Variants in ANKRD30A observed in about 807,000 individuals in gnomAD.
ANKRD30A encodes ankyrin repeat domain-containing protein 30A.
In ANKRD30A, 170 loss-of-function variants were observed where a neutral mutation model predicts 166.3. The ratio of observed to expected loss-of-function variants is 1.02; its 90% confidence interval spans 0.90 to 1.16. The LOEUF (loss-of-function observed/expected upper bound fraction) is 1.16, where lower values mean the gene tolerates loss of function less well. Among genes scored for constraint, ANKRD30A ranks in the 50% most tolerant of loss-of-function variants. ANKRD30A has a pLI of 0.00. For synonymous variants in ANKRD30A, 564 were observed against 508.9 expected (o/e 1.11, Z -1.46); for missense variants, 1,630 against 1,518.0 (o/e 1.07, Z -1.23).
intron 25 of ANKRD30A, among the ~76,000 whole-genome samples, chr10:37,191,093 T>C (rs1588884621): frequency 6.6e-6 from 1 of 151,886 alleles, no homozygotes; most frequent in African/African-American, 2.4e-5. Flanking sequence ...ATGTTATTAA[T>C]ATTTAAAAGT....
At chr10:37,256,743 A>G in the ANKRD30A span, among the ~76,000 whole-genome samples, 25 of 152,304 alleles carry the variant, frequency 1.6e-4, no homozygotes, top group African/African-American at 5.8e-4. Flanking sequence ...CCTTTTAAAA[A>G]AGTATTGCAT....
chr10:37,247,596 G>T, the ANKRD30A span, among the ~76,000 whole-genome samples: 1 of 151,780 alleles, frequency 6.6e-6, no homozygotes, highest in Non-Finnish European at 1.5e-5. Flanking sequence ...ACTAGGCCGG[G>T]CACAGTGGCT....
rs200296642 is a variant in ANKRD30A, at chr10:37,129,765, G to A, written c.222-128G>A. On this transcript the variant is annotated intron_variant, in intron 1 of 35. Coordinates refer to ENST00000361713, the MANE Select transcript of ANKRD30A (RefSeq NM_052997.3). Reference sequence around the variant, plus strand: ...CAAATGAATGTTGTACTTTCTTCAGGAGAATATTAAGTATTTGTTTTGAAG... The same window carrying A: ...CAAATGAATGTTGTACTTTCTTCAGAAGAATATTAAGTATTTGTTTTGAAG... The A allele has an allele frequency of 6.6e-4, 91 of 137,108 alleles. 2 individuals are homozygous for A. The Admixed American group carries it at 0.014, about 21-fold the overall frequency. The allele number at this position is 137,108 out of a possible 1,614,324, so 8.5% of individuals were successfully genotyped here.
chr10:37,151,964 C>G, intron 11 of ANKRD30A, 96 bp from the exon 12 acceptor site: 3 of 1,132,366 alleles, frequency 2.6e-6, no homozygotes, highest in Non-Finnish European at 3.8e-6. Context: ...AGAGGAAAAA[C>G]CACAGATTCG....
At chr10:37,132,103 A>T (rs1433525635) in intron 3 of ANKRD30A, 137 bp from the exon 4 acceptor site, 6 of 519,158 alleles carry the variant, frequency 1.2e-5, no homozygotes, top group Non-Finnish European at 1.9e-5. Context: ...AAAGCACAGA[A>T]AAGGGAGAAA....
rs574477074 is a variant in ANKRD30A at position 37,231,412 on chromosome 10, T to G, written c.4186-49T>G. The G allele has an allele frequency of 2.6e-6, 4 of 1,511,530 alleles. No individual in the cohort carries two copies. The South Asian group carries it at 5.0e-5, about 19-fold the overall frequency. The allele number at this position is 1,511,530 out of a possible 1,614,324, so 93.6% of individuals were successfully genotyped here. A position where few individuals can be genotyped will look rare whatever the true frequency, so the allele number is the denominator to read the frequency against. The stretch of plus-strand genomic sequence containing the variant: ...TTAAATACAAGTCCTTTTCTAATTA[T>G]GTAGGAAAAAATAAAATACTAAGCA... On this transcript the variant is annotated intron_variant, in intron 34 of 35. Coordinates refer to ENST00000361713, the MANE Select transcript of ANKRD30A (RefSeq NM_052997.3).
chr10:37,205,632 G>A (rs1369880438), intron 31 of ANKRD30A, among the ~76,000 whole-genome samples: 7 of 152,012 alleles, frequency 4.6e-5, no homozygotes, highest in Non-Finnish European at 8.8e-5. Flanking sequence ...GTACTTACAC[G>A]CTTGTGGAAG....
At chr10:37,211,393 C>T (rs1263862467) in intron 31 of ANKRD30A, among the ~76,000 whole-genome samples, 1 of 151,848 alleles carries the variant, frequency 6.6e-6, no homozygotes, top group East Asian at 1.9e-4. Context: ...GTTTGGTTTT[C>T]TGTTCTTGTG....
chr10:37,232,654 T>TGATATATATATATATA, downstream of ANKRD30A: 1 of 54,214 alleles, frequency 1.8e-5, no homozygotes, highest in Non-Finnish European at 3.5e-5. Context: ...AGCATTGGTT[T>TGATATATATATATATA]TATATATATA....
chr10:37,158,416 T>C lies in ANKRD30A; in HGVS notation c.1823T>C (p.Leu608Pro). 3.7e-6 allele frequency: 6 copies of C among 1,611,464 alleles called. No individual in the cohort carries two copies. Among genetic ancestry groups the C allele is most frequent in the Non-Finnish European group, 5.1e-6 (6 of 1,178,038 alleles). The change falls in exon 14 of 36, where the codon CTG becomes CCG. Residue 608 changes from leucine (L) to proline (P), a missense_variant. Leu to Pro is a moderately conservative substitution (Grantham distance 98, BLOSUM62 -3). Transcript: ENST00000361713. Reference protein sequence around the residue: ...LEESPNKDGLLKATCGMKVSI... With the variant: ...LEESPNKDGLPKATCGMKVSI... ...GAGTCTCCTAATAAAGATGGTCTTC[T>C]GAAGGTAATAACTTTTATATTTTTG...
In ANKRD30A at chr10:37,219,692, A is replaced by G. The variant is rs746239418; in HGVS notation, c.3980A>G (p.Gln1327Arg). The change falls in exon 34 of 36, where the codon CAA (glutamine) becomes CGA (arginine). Residue 1327 changes from glutamine (Q) to arginine (R), a missense_variant. By Grantham distance (43) the Gln-to-Arg change is conservative. This residue lies in a region of ANKRD30A where 712 missense variants were observed against 629.3 expected (regional missense o/e 1.13). Transcript: ENST00000361713. The stretch of plus-strand genomic sequence containing the variant: ...CTAGATCAGAAATTATTTCAACTAC[A>G]AAGCAAAAATATGTGGCTTCAACAG... ...ESLDQKLFQL[Q>R]SKNMWLQQQL... is the part of the protein sequence containing the mutation. 41 of 1,609,430 alleles carry G rather than the reference A, an allele frequency of 2.5e-5. 3 individuals carry two copies. The South Asian group carries it at 3.3e-4, about 13-fold the overall frequency.
At chr10:37,157,955 A>G (rs1331226385) in intron 13 of ANKRD30A, among the ~76,000 whole-genome samples, 1 of 151,962 alleles carries the variant, frequency 6.6e-6, no homozygotes, top group Non-Finnish European at 1.5e-5. Flanking sequence ...ACATGTATAT[A>G]TTGACATAAG....
the ANKRD30A span, chr10:37,261,930 G>A: frequency 6.5e-6 from 1 of 153,212 alleles, no homozygotes; most frequent in African/African-American, 2.4e-5. Flanking sequence ...TACACGGTAA[G>A]TTTATCTCTG....
intron 18 of ANKRD30A, among the ~76,000 whole-genome samples, chr10:37,166,267 T>C (rs1393084412): frequency 6.6e-6 from 1 of 152,216 alleles, no homozygotes; most frequent in Admixed American, 6.5e-5. Context: ...AAATGTCTTA[T>C]TTATTTTTGA....
the ANKRD30A span, among the ~76,000 whole-genome samples, chr10:37,237,752 A>G: frequency 2.6e-5 from 4 of 152,200 alleles, no homozygotes; most frequent in African/African-American, 7.2e-5. Flanking sequence ...CTCATAAGCT[A>G]TACACACCTC....
At position 37,216,326 on chromosome 10, in the gene ANKRD30A, A is replaced by G; in HGVS notation, c.3015A>G (p.Glu1005=). The change falls in exon 32 of 36, where the codon GAA becomes GAG. Residue 1005 remains glutamate (E), a synonymous_variant. Coordinates refer to ENST00000361713, the MANE Select transcript of ANKRD30A (RefSeq NM_052997.3). Reference sequence around the variant, plus strand: ...GTGTACTGAAAAAGAAACTGTCAGAAGCAAAAGAAATAAAATCACAGTTAG... The same window carrying G: ...GTGTACTGAAAAAGAAACTGTCAGAGGCAAAAGAAATAAAATCACAGTTAG... ...KFCVLKKKLS[E]AKEIKSQLEN... is the part of the protein sequence containing the mutation. The G allele has an allele frequency of 1.9e-6, 3 of 1,608,872 alleles. No homozygotes were observed. The highest frequency in any genetic ancestry group is 2.5e-6 in the Non-Finnish European group (3 of 1,176,612).
intron 1 of ANKRD30A, among the ~76,000 whole-genome samples, chr10:37,128,657 TG>T (rs1836198628): frequency 6.6e-6 from 1 of 152,106 alleles, no homozygotes; most frequent in Non-Finnish European, 1.5e-5. Flanking sequence ...ATTTACCACA[TG>T]TAAGCTGAAT....
chr10:37,162,872 G>C (rs144276770), intron 17 of ANKRD30A, 24 bp downstream of exon 17: 26,955 of 1,606,620 alleles, frequency 0.017, 314 homozygotes, highest in Non-Finnish European at 0.02. Flanking sequence ...TGTAACTATG[G>C]AAAGACCAAT....
rs1838565214 is a variant in ANKRD30A at position 37,158,519 on chromosome 10, C to T, written c.1833C>T (p.Thr611=). 1 of 1,613,252 alleles carries T rather than the reference C, an allele frequency of 6.2e-7. No homozygotes were observed. Among genetic ancestry groups the T allele is most frequent in the Admixed American group, 1.7e-5 (1 of 59,976 alleles). ...TTGTTTCCAAACCCATTTAGGCTACCTGCGGAATGAAAGTTTCTATTCCAA... is the reference window on the plus strand; with the variant it reads ...TTGTTTCCAAACCCATTTAGGCTACTTGCGGAATGAAAGTTTCTATTCCAA... ...SPNKDGLLKA[T]CGMKVSIPTK... Residue 611 remains threonine (T), a synonymous_variant, in exon 15 of 36, where the codon ACC becomes ACT. Transcript: ENST00000361713.
Sources: gnomAD v4.1 joint callset for allele counts (sites outside exome capture counted in the v4.1 genomes callset) on GRCh38, gnomAD v4.1.1 for gene constraint, gnomAD v4.1.1 regional missense constraint, MANE v1.5 for transcripts, NCBI Gene and HGNC (gene_info 2026-07-23, HGNC 2026-07-21) for gene names.